Variants in TENT2 observed in about 807,000 individuals in gnomAD.
TENT2 encodes terminal nucleotidyltransferase 2, also known as poly(A) RNA polymerase GLD2.
A neutral mutation model predicts 72.2 loss-of-function variants in TENT2; 44 were observed. The ratio of observed to expected loss-of-function variants is 0.61; its 90% CI spans 0.48 to 0.78. The LOEUF is 0.78. TENT2 is among the 30% of genes least tolerant of loss of function. The pLI is 0.00. For missense variants in TENT2, 541 were observed against 569.6 expected (o/e 0.95, Z 0.51); for synonymous variants, 212 against 192.5 (o/e 1.10, Z -0.84).
At chr5:79,613,627 A>C (rs1226125006) in intron 1 of TENT2, among the ~76,000 whole-genome samples, 1 of 152,206 alleles carries the variant, frequency 6.6e-6, no homozygotes, top group Non-Finnish European at 1.5e-5. Context: ...AATAGCCCTA[A>C]TTATGTCTGT....
intron 11 of TENT2, among the ~76,000 whole-genome samples, chr5:79,658,870 C>A (rs1799876520): frequency 6.6e-6 from 1 of 150,976 alleles, no homozygotes; most frequent in African/African-American, 2.5e-5. Context: ...TTAGCTTTCT[C>A]CCATGACAGA....
intron 9 of TENT2, 56 bp from the exon 10 acceptor site, chr5:79,649,006 A>G: frequency 1.3e-6 from 2 of 1,561,560 alleles, no homozygotes; most frequent in Non-Finnish European, 1.8e-6. Context: ...AATGATGTAA[A>G]CTTTCAAAGA....
intron 12 of TENT2, 59 bp from the exon 13 acceptor site, chr5:79,679,520 A>C (rs1820075653): frequency 7.6e-7 from 1 of 1,307,714 alleles, no homozygotes; most frequent in Non-Finnish European, 1.1e-6. Context: ...GATACAATAA[A>C]AATAATATAA....
chr5:79,682,950 T>C (rs1471777480), intron 14 of TENT2, among the ~76,000 whole-genome samples: 2 of 152,070 alleles, frequency 1.3e-5, no homozygotes, highest in Non-Finnish European at 2.9e-5. Flanking sequence ...AAGAAAAAGA[T>C]GAGAGAACCG....
chr5:79,647,008 A>G (rs1789607028), intron 8 of TENT2, among the ~76,000 whole-genome samples: 1 of 152,066 alleles, frequency 6.6e-6, no homozygotes, highest in Non-Finnish European at 1.5e-5. Context: ...GCCTCAAGCA[A>G]TCCTTCTACC....
intron 11 of TENT2, among the ~76,000 whole-genome samples, chr5:79,659,953 CG>C (rs113202997): frequency 1.3e-5 from 2 of 151,520 alleles, no homozygotes; most frequent in African/African-American, 2.4e-5. Flanking sequence ...TTAACAACAA[CG>C]AAAAAACAAC....
At chr5:79,664,594 C>CA (rs369492064) in intron 11 of TENT2, among the ~76,000 whole-genome samples, 8,895 of 95,418 alleles carry the variant, frequency 0.093, 325 homozygotes, top group South Asian at 0.17. Context: ...CACTCTGTCT[C>CA]AAAAAAAAAA....
chr5:79,681,427 G>C (rs1821837320), intron 13 of TENT2, among the ~76,000 whole-genome samples: 1 of 151,742 alleles, frequency 6.6e-6, no homozygotes. Flanking sequence ...CAAAGTGCTG[G>C]GATTACAGGC....
rs1763170608 is a variant in TENT2, at chr5:79,619,662, C to T, written c.14C>T (p.Ser5Leu). 1 of 1,613,468 alleles carries T rather than the reference C, an allele frequency of 6.2e-7. No individual in the cohort carries two copies. The highest frequency in any genetic ancestry group is 2.2e-5 in the East Asian group (1 of 44,856). Residue 5 changes from serine (S) to leucine (L), a missense_variant, in exon 2 of 15, where the codon TCA becomes TTA. Coordinates refer to ENST00000453514, the MANE Select transcript of TENT2 (RefSeq NM_001114394.3). ...GTGAACAAGAGCATGTTCCCAAACTCAATTTTGGGTCGCCCACCCTTCACT... is the reference window on the plus strand; with the variant it reads ...GTGAACAAGAGCATGTTCCCAAACTTAATTTTGGGTCGCCCACCCTTCACT... MFPNSILGRPPFTPN... is the reference protein window; with the variant it reads MFPNLILGRPPFTPN...
At chr5:79,619,526 G>C (rs1763086206) in intron 1 of TENT2, 86 bp from the exon 2 acceptor site, 23 of 987,038 alleles carry the variant, frequency 2.3e-5, no homozygotes, top group Non-Finnish European at 3.2e-5. Context: ...ATAACTAATT[G>C]TTTTAAGTTA....
intron 12 of TENT2, among the ~76,000 whole-genome samples, chr5:79,674,780 A>G (rs1559078): frequency 0.21 from 31,247 of 152,080 alleles, 4,741 homozygotes; most frequent in African/African-American, 0.42. Flanking sequence ...GAGATTGGGG[A>G]TGAGAAGGAA....
Position 79,665,972 on chromosome 5 carries a change from CT to C in TENT2, c.1072-2909del, listed in dbSNP as rs750861867. 1.4e-3 allele frequency among the ~76,000 whole-genome samples: 201 copies of C among 140,426 alleles called. 1 individual carries two copies. The highest frequency in any genetic ancestry group is 3.8e-3 in the African/African-American group (147 of 38,216). 92.1% of individuals were successfully genotyped at this position (140,426 alleles called of 152,430 possible). A position where few individuals can be genotyped will look rare whatever the true frequency, so the allele number is the denominator to read the frequency against. ...GGGGAAGCACCCTTTTAAAGAAATTCTTTTTTTTTTTCTTTCTTTTTTTTTT... is the reference window on the plus strand; with the variant it reads ...GGGGAAGCACCCTTTTAAAGAAATTCTTTTTTTTTTCTTTCTTTTTTTTTT... On this transcript the variant is annotated intron_variant, in intron 11 of 14. Transcript: ENST00000453514.
At chr5:79,616,824 A>G (rs1434478623) in intron 1 of TENT2, among the ~76,000 whole-genome samples, 1 of 152,162 alleles carries the variant, frequency 6.6e-6, no homozygotes, top group Non-Finnish European at 1.5e-5. Flanking sequence ...CTCTGGTCCA[A>G]ATTAGAGTCA....
At chr5:79,675,359 A>C (rs893131657) in intron 12 of TENT2, among the ~76,000 whole-genome samples, 2 of 152,202 alleles carry the variant, frequency 1.3e-5, no homozygotes, top group Non-Finnish European at 2.9e-5. Flanking sequence ...AGTAGGAATT[A>C]TCTTTGGATT....
At chr5:79,630,802 C>T (rs1365476874) in intron 4 of TENT2, among the ~76,000 whole-genome samples, 1 of 143,804 alleles carries the variant, frequency 7.0e-6, no homozygotes, top group African/African-American at 2.7e-5. Flanking sequence ...CTAATAACAG[C>T]AGTAACCTAT....
rs181269203 is a variant in TENT2 at position 79,654,386 on chromosome 5, G to T, written c.1028-2572G>T. ...GCGGAGGTTGCAGTGAGCCTAGATTGTGCCATTGCACTCCAGCCTGGGCAA... is the reference window on the plus strand; with the variant it reads ...GCGGAGGTTGCAGTGAGCCTAGATTTTGCCATTGCACTCCAGCCTGGGCAA... On this transcript the variant is annotated intron_variant, in intron 10 of 14. Coordinates refer to ENST00000453514, the MANE Select transcript of TENT2 (RefSeq NM_001114394.3). Among the ~76,000 whole-genome samples, 10 of 151,994 alleles carry T rather than the reference G, an allele frequency of 6.6e-5. No individual in the cohort carries two copies. In the East Asian group the frequency reaches 1.9e-3, roughly 29 times the overall value.
At chr5:79,640,796 A>G (rs1355083561) in intron 4 of TENT2, 55 bp from the exon 5 acceptor site, 1 of 1,052,280 alleles carries the variant, frequency 9.5e-7, no homozygotes, top group African/African-American at 1.6e-5. Flanking sequence ...TCCATATAGC[A>G]ATTACTTTTA....
rs542234029 is a variant in TENT2 at position 79,622,622 on chromosome 5, G to C, written c.228-630G>C. Reference sequence around the variant, plus strand: ...CTGAACCATATGAAAGAAAGTTGTTGACACCATTTTACCTTAAAACATGTC... The same window carrying C: ...CTGAACCATATGAAAGAAAGTTGTTCACACCATTTTACCTTAAAACATGTC... On this transcript the variant is annotated intron_variant, in intron 3 of 14. Coordinates refer to ENST00000453514, the MANE Select transcript of TENT2 (RefSeq NM_001114394.3). Among the ~76,000 whole-genome samples, 463 of 152,082 alleles carry C rather than the reference G, an allele frequency of 3.0e-3. 1 individual carries two copies. Among genetic ancestry groups the C allele is most frequent in the African/African-American group, 0.01 (423 of 41,486 alleles).
chr5:79,672,641 A>G (rs1385399571), intron 12 of TENT2, among the ~76,000 whole-genome samples: 2 of 152,210 alleles, frequency 1.3e-5, no homozygotes, highest in Non-Finnish European at 2.9e-5. Flanking sequence ...AGAGGATCTC[A>G]TTCTTTTGTA....
Sources: allele counts gnomAD v4.1 joint callset (sites outside exome capture counted in the v4.1 genomes callset), GRCh38; gene constraint gnomAD v4.1.1; transcripts MANE v1.5; gene names NCBI Gene and HGNC (gene_info 2026-07-23, HGNC 2026-07-21).